CNTLN: variants seen among roughly 807,000 people sequenced by gnomAD.
The protein encoded by CNTLN is centlein.
A neutral mutation model predicts 180.0 loss-of-function variants in CNTLN; 212 were observed. That is an observed-to-expected ratio of 1.18 (90% CI 1.05 to 1.32). The LOEUF is 1.32. CNTLN is among the 40% of genes most tolerant of loss of function. The pLI is 0.00. For synonymous variants in CNTLN, 722 were observed against 563.1 expected (o/e 1.28, Z -3.99); for missense variants, 2,095 against 1,610.9 (o/e 1.30, Z -5.14).
intron 15 of CNTLN, among the ~76,000 whole-genome samples, chr9:17,400,220 C>G (rs1826862947): frequency 6.6e-6 from 1 of 152,160 alleles, no homozygotes; most frequent in Non-Finnish European, 1.5e-5. Context: ...TCACTGCAAT[C>G]TCCATCTCCC....
chr9:17,258,574 G>A (rs1250242699), intron 5 of CNTLN, among the ~76,000 whole-genome samples: 1 of 150,714 alleles, frequency 6.6e-6, no homozygotes, highest in Non-Finnish European at 1.5e-5. Context: ...TGGGCAGTAT[G>A]GCCATTTTCA....
chr9:17,400,670 A>T (rs958417150), intron 15 of CNTLN, among the ~76,000 whole-genome samples: 1 of 152,138 alleles, frequency 6.6e-6, no homozygotes. Flanking sequence ...CACCTAAAAC[A>T]TGTTCAGTAC....
intron 25 of CNTLN, among the ~76,000 whole-genome samples, chr9:17,499,830 G>A (rs906940730): frequency 2.6e-5 from 4 of 152,016 alleles, no homozygotes; most frequent in African/African-American, 9.7e-5. Context: ...AGACCTCTTT[G>A]AAAGCTGAAT....
chr9:17,507,805 T>C (rs576117117), downstream of CNTLN, among the ~76,000 whole-genome samples: 6 of 152,214 alleles, frequency 3.9e-5, no homozygotes, highest in Non-Finnish European at 8.8e-5. Flanking sequence ...CTTCTGCGCA[T>C]AGTCCAATCC....
At chr9:17,163,108 A>G (rs1319401848) in intron 2 of CNTLN, among the ~76,000 whole-genome samples, 2 of 152,228 alleles carry the variant, frequency 1.3e-5, no homozygotes, top group African/African-American at 4.8e-5. Context: ...GAGCATGTAC[A>G]GTGGAACTCG....
chr9:17,209,352 A>G lies in CNTLN; in HGVS notation c.450-16851A>G, dbSNP rs543778680. Among the ~76,000 whole-genome samples the G allele has an allele frequency of 5.4e-4, 82 of 152,326 alleles. 2 individuals carry two copies. The South Asian group carries it at 0.016, about 30-fold the overall frequency. ...GAGTCACATATGGTCTATTCTTGAT[A>G]ATGATCCATGTGCTGAGGAGAAGAA... On this transcript the variant is annotated intron_variant, in intron 2 of 25. Coordinates refer to ENST00000380647, the MANE Select transcript of CNTLN (RefSeq NM_017738.4).
chr9:17,214,660 G>A (rs1287921170), intron 2 of CNTLN, among the ~76,000 whole-genome samples: 1 of 152,074 alleles, frequency 6.6e-6, no homozygotes. Context: ...TTTCCATCTT[G>A]GTTCCATTGT....
At chr9:17,202,644 C>CTT (rs1822613363) in intron 2 of CNTLN, among the ~76,000 whole-genome samples, 1 of 87,096 alleles carries the variant, frequency 1.1e-5, no homozygotes, top group African/African-American at 5.3e-5. Flanking sequence ...ATTGCAACCT[C>CTT]TGTTTTTTTT....
chr9:17,488,276 G>C (rs575173005), intron 25 of CNTLN, among the ~76,000 whole-genome samples: 5 of 152,204 alleles, frequency 3.3e-5, no homozygotes. Flanking sequence ...AGTTGTTTAA[G>C]TGTAGATGTG....
At chr9:17,464,308 A>G (rs1449720240) in intron 20 of CNTLN, among the ~76,000 whole-genome samples, 189 bp from the exon 21 acceptor site, 1 of 151,342 alleles carries the variant, frequency 6.6e-6, no homozygotes, top group Non-Finnish European at 1.5e-5. Context: ...ACAACTATAG[A>G]TTTTACAAGT....
rs562894922 is a variant in CNTLN, at chr9:17,159,823, G to C, written c.449+16447G>C. ...TTCATACTGATTGATAGATTTTCTT[G>C]GATAGATGTTTCTTCATTTGCTGTT... On this transcript the variant is annotated intron_variant, in intron 2 of 25. Transcript: ENST00000380647. Among the ~76,000 whole-genome samples, 52 of 152,250 alleles carry C rather than the reference G, an allele frequency of 3.4e-4. 1 individual carries two copies. In the South Asian group the frequency reaches 0.011, roughly 31 times the overall value.
At chr9:17,389,560 G>A (rs905440341) in intron 14 of CNTLN, among the ~76,000 whole-genome samples, 6 of 132,378 alleles carry the variant, frequency 4.5e-5, no homozygotes, top group East Asian at 2.3e-4. Context: ...TCATTGTACT[G>A]TATGTCAAGT....
At chr9:17,491,908 A>G (rs1462864237) in intron 25 of CNTLN, among the ~76,000 whole-genome samples, 1 of 141,108 alleles carries the variant, frequency 7.1e-6, no homozygotes, top group African/African-American at 3.2e-5. Context: ...AGAATATACT[A>G]CTAGCCTGAA....
chr9:17,236,801 T>C (rs534171518), intron 5 of CNTLN, among the ~76,000 whole-genome samples: 1 of 152,298 alleles, frequency 6.6e-6, no homozygotes, highest in East Asian at 1.9e-4. Flanking sequence ...TAAAATGTAA[T>C]CATTAAAAAA....
intron 2 of CNTLN, among the ~76,000 whole-genome samples, chr9:17,149,211 C>G (rs976128875): frequency 6.6e-6 from 1 of 152,200 alleles, no homozygotes; most frequent in African/African-American, 2.4e-5. Flanking sequence ...TTTATCCAGT[C>G]TATCATTGAT....
intron 5 of CNTLN, among the ~76,000 whole-genome samples, chr9:17,267,228 G>C (rs1354187290): frequency 6.6e-6 from 1 of 152,074 alleles, no homozygotes; most frequent in Non-Finnish European, 1.5e-5. Flanking sequence ...TTTTAGGGCA[G>C]GCCTGGTGGT....
intron 2 of CNTLN, among the ~76,000 whole-genome samples, chr9:17,176,209 A>T (rs1314450028): frequency 6.6e-6 from 1 of 152,084 alleles, no homozygotes; most frequent in Non-Finnish European, 1.5e-5. Context: ...GTCTTTCACT[A>T]AATGGTCCCT....
intron 10 of CNTLN, among the ~76,000 whole-genome samples, chr9:17,337,380 C>G (rs903957386): frequency 6.6e-6 from 1 of 152,112 alleles, no homozygotes; most frequent in African/African-American, 2.4e-5. Flanking sequence ...ATAAAGTCTT[C>G]GCCCATGCCT....
At chr9:17,372,607 T>C (rs552762035) in intron 13 of CNTLN, among the ~76,000 whole-genome samples, 1 of 152,274 alleles carries the variant, frequency 6.6e-6, no homozygotes, top group South Asian at 2.1e-4. Flanking sequence ...GAGGAGGGAA[T>C]ACTTTCAAAC....
Sources: gnomAD v4.1 joint callset for allele counts (sites outside exome capture counted in the v4.1 genomes callset) on GRCh38, gnomAD v4.1.1 for gene constraint, MANE v1.5 for transcripts, NCBI Gene and HGNC (gene_info 2026-07-23, HGNC 2026-07-21) for gene names.